The following MALRD1 variants were observed in gnomAD, a reference collection of about 807,000 sequenced individuals.
The protein encoded by MALRD1 is MAM and LDL receptor class A domain containing 1.
MALRD1 carries 247 observed loss-of-function variants against 242.1 expected under a neutral mutation model. That is an observed-to-expected ratio of 1.02 (90% CI 0.92 to 1.13). MALRD1 has a LOEUF of 1.13. Among genes scored for constraint, MALRD1 ranks in the 50% most tolerant of loss-of-function variants. The probability of loss-of-function intolerance (pLI) is 0.00; values close to 1 mark genes in which losing one functional copy is unlikely to be tolerated. For missense variants in MALRD1, 2,989 were observed against 2,533.1 expected (o/e 1.18, Z -3.86); for synonymous variants, 995 against 866.6 (o/e 1.15, Z -2.60).
rs554647969 is a variant in MALRD1 at position 19,292,903 on chromosome 10, A to C, written c.3419+9722A>C. On this transcript the variant is annotated intron_variant, in intron 21 of 39. Transcript: ENST00000454679. Reference sequence around the variant, plus strand: ...GCGAGACTCTGCCTCAAAAAAAAAAAAAAAAAAAAAAATGCAAACTATGTC... The same window carrying C: ...GCGAGACTCTGCCTCAAAAAAAAAACAAAAAAAAAAAATGCAAACTATGTC... Among the ~76,000 whole-genome samples, 427 of 151,690 alleles carry C rather than the reference A, an allele frequency of 2.8e-3. 3 individuals are homozygous for C. The highest frequency in any genetic ancestry group is 0.024 in the Middle Eastern group (7 of 294).
intron 21 of MALRD1, among the ~76,000 whole-genome samples, chr10:19,300,755 T>C (rs1841916271): frequency 6.6e-6 from 1 of 151,838 alleles, no homozygotes; most frequent in African/African-American, 2.4e-5. Flanking sequence ...AACTATAGAA[T>C]CCTTAGAAGA....
intron 18 of MALRD1, among the ~76,000 whole-genome samples, chr10:19,220,054 A>T (rs1837492155): frequency 6.6e-6 from 1 of 152,132 alleles, no homozygotes; most frequent in Non-Finnish European, 1.5e-5. Context: ...TCATTGTTTT[A>T]TCTAATTTGG....
At chr10:19,062,204 A>G (rs1042914364) in intron 1 of MALRD1, among the ~76,000 whole-genome samples, 2 of 152,180 alleles carry the variant, frequency 1.3e-5, no homozygotes, top group Non-Finnish European at 2.9e-5. Context: ...AAATACAAAT[A>G]AAAACCACAA....
intron 38 of MALRD1, among the ~76,000 whole-genome samples, chr10:19,700,300 C>G (rs1833567331): frequency 6.6e-6 from 1 of 152,082 alleles, no homozygotes; most frequent in African/African-American, 2.4e-5. Flanking sequence ...TCCCCCTTTT[C>G]CTTGCTCGAG....
intron 28 of MALRD1, among the ~76,000 whole-genome samples, chr10:19,440,235 T>A (rs966810250): frequency 6.6e-6 from 1 of 152,226 alleles, no homozygotes; most frequent in Non-Finnish European, 1.5e-5. Flanking sequence ...TCTACTTATG[T>A]TTCAATTTGT....
chr10:19,271,789 AATCAC>A (rs1180828083), intron 19 of MALRD1, among the ~76,000 whole-genome samples: 1 of 152,172 alleles, frequency 6.6e-6, no homozygotes, highest in African/African-American at 2.4e-5. Context: ...TAACTCATTT[AATCAC>A]ATAACAACCT....
chr10:19,203,961 G>A, intron 15 of MALRD1, 81 bp downstream of exon 15: 3 of 1,479,890 alleles, frequency 2.0e-6, no homozygotes, highest in Non-Finnish European at 2.8e-6. Flanking sequence ...AGCTAGTACG[G>A]TTCTGTGATA....
intron 18 of MALRD1, among the ~76,000 whole-genome samples, chr10:19,246,030 T>C (rs1839028924): frequency 6.6e-6 from 1 of 152,078 alleles, no homozygotes; most frequent in South Asian, 2.1e-4. Context: ...TGTTAAACAG[T>C]TAATAAGAGC....
At chr10:19,286,939 G>A (rs532826921) in intron 21 of MALRD1, among the ~76,000 whole-genome samples, 89 of 150,798 alleles carry the variant, frequency 5.9e-4, no homozygotes, top group African/African-American at 2.1e-3. Flanking sequence ...CTGGCAAACC[G>A]AATCCAGCAG....
intron 14 of MALRD1, among the ~76,000 whole-genome samples, chr10:19,187,471 G>C (rs927148447): frequency 6.6e-6 from 1 of 152,130 alleles, no homozygotes; most frequent in Non-Finnish European, 1.5e-5. Context: ...GTTCTAAGCA[G>C]AAAGAAGGAA....
chr10:19,157,211 A>G lies in MALRD1; in HGVS notation c.1656+2039A>G, dbSNP rs74118806. Among the ~76,000 whole-genome samples the G allele has an allele frequency of 4.8e-3, 734 of 151,908 alleles. 8 individuals carry two copies. Among genetic ancestry groups the G allele is most frequent in the African/African-American group, 0.017 (708 of 41,472 alleles). On this transcript the variant is annotated intron_variant, in intron 12 of 39. Transcript: ENST00000454679. Reference sequence around the variant, plus strand: ...AGGTTCTCAGGATTTTTCTAAGACTATAATATGAATTTTTTTAATAAGTTT... The same window carrying G: ...AGGTTCTCAGGATTTTTCTAAGACTGTAATATGAATTTTTTTAATAAGTTT...
At chr10:19,666,556 T>G (rs1841692771) in intron 36 of MALRD1, among the ~76,000 whole-genome samples, 1 of 152,196 alleles carries the variant, frequency 6.6e-6, no homozygotes, top group Non-Finnish European at 1.5e-5. Flanking sequence ...CTTACCAAAC[T>G]TAAATTCCAT....
At chr10:19,651,331 G>A (rs1358194841) in intron 36 of MALRD1, among the ~76,000 whole-genome samples, 1 of 152,054 alleles carries the variant, frequency 6.6e-6, no homozygotes, top group Non-Finnish European at 1.5e-5. Flanking sequence ...AAAAGTTAAT[G>A]TTTCTTTCTA....
chr10:19,308,767 C>G (rs1224933951), intron 21 of MALRD1, among the ~76,000 whole-genome samples: 2 of 151,508 alleles, frequency 1.3e-5, no homozygotes, highest in Non-Finnish European at 3.0e-5. Context: ...TTTCCTATCT[C>G]AGGCCCTCCG....
intron 21 of MALRD1, among the ~76,000 whole-genome samples, chr10:19,306,352 G>C (rs994329781): frequency 1.2e-4 from 16 of 134,804 alleles, no homozygotes; most frequent in Non-Finnish European, 2.2e-4. Flanking sequence ...ACCATATATA[G>C]TATATATAGT....
intron 31 of MALRD1, among the ~76,000 whole-genome samples, chr10:19,500,934 G>C (rs890831726): frequency 6.6e-6 from 1 of 151,844 alleles, no homozygotes; most frequent in Admixed American, 6.6e-5. Context: ...TACAGAAGGA[G>C]GGAAAAGATA....
intron 33 of MALRD1, among the ~76,000 whole-genome samples, chr10:19,573,548 A>G (rs1431097098): frequency 6.6e-6 from 1 of 152,086 alleles, no homozygotes; most frequent in East Asian, 1.9e-4. Flanking sequence ...TTCCCAGAAC[A>G]ATCATTAAAC....
chr10:19,095,387 A>G (rs1835989479), intron 4 of MALRD1, among the ~76,000 whole-genome samples: 1 of 152,206 alleles, frequency 6.6e-6, no homozygotes, highest in African/African-American at 2.4e-5. Flanking sequence ...GTATGGCACG[A>G]CTTCAGAGAA....
chr10:19,253,889 T>C (rs1295754277), intron 18 of MALRD1, among the ~76,000 whole-genome samples: 1 of 151,938 alleles, frequency 6.6e-6, no homozygotes, highest in African/African-American at 2.4e-5. Flanking sequence ...TCACCATGGG[T>C]CAAGGGTGGG....
Sources: allele counts gnomAD v4.1 joint callset (sites outside exome capture counted in the v4.1 genomes callset), GRCh38; gene constraint gnomAD v4.1.1; transcripts MANE v1.5; gene names NCBI Gene and HGNC (gene_info 2026-07-23, HGNC 2026-07-21).